The following GRID2 variants were observed in gnomAD, a reference collection of about 807,000 sequenced individuals.
The protein encoded by GRID2 is glutamate ionotropic receptor delta type subunit 2.
GRID2 carries 33 observed loss-of-function variants against 114.8 expected under a neutral mutation model. The ratio of observed to expected loss-of-function variants is 0.29; its 90% CI spans 0.22 to 0.38. GRID2 has a LOEUF of 0.38. Ranked by LOEUF, GRID2 falls within the 10% of genes least tolerant of loss-of-function variation. The pLI, the probability that GRID2 is intolerant of heterozygous loss-of-function variation, is 1.00. For missense variants in GRID2, 1,184 were observed against 1,257.7 expected (o/e 0.94, Z 0.89); for synonymous variants, 505 against 449.9 (o/e 1.12, Z -1.55).
At chr4:92,420,242 A>G (rs1731834034) in intron 1 of GRID2, among the ~76,000 whole-genome samples, 2 of 152,144 alleles carry the variant, frequency 1.3e-5, no homozygotes, top group Non-Finnish European at 2.9e-5. Context: ...ACTTAATTGG[A>G]TTGATCCATT....
At chr4:93,290,281 G>T (rs1753597763) in intron 8 of GRID2, among the ~76,000 whole-genome samples, 1 of 152,166 alleles carries the variant, frequency 6.6e-6, no homozygotes, top group Non-Finnish European at 1.5e-5. Context: ...ATGAGTGCGT[G>T]TTTATGAGTG....
chr4:92,855,288 A>G (rs1241013551), intron 2 of GRID2, among the ~76,000 whole-genome samples: 1 of 152,076 alleles, frequency 6.6e-6, no homozygotes, highest in East Asian at 1.9e-4. Flanking sequence ...CAATTCCCTG[A>G]AACCACAGTA....
chr4:93,708,300 G>A (rs1728182039), intron 14 of GRID2, among the ~76,000 whole-genome samples: 1 of 150,184 alleles, frequency 6.7e-6, no homozygotes, highest in Non-Finnish European at 1.5e-5. Flanking sequence ...GGCTGTTGAA[G>A]TCTCCAGCTA....
At chr4:93,071,248 T>C (rs1224479956) in intron 2 of GRID2, among the ~76,000 whole-genome samples, 2 of 152,078 alleles carry the variant, frequency 1.3e-5, no homozygotes, top group Admixed American at 6.6e-5. Flanking sequence ...ACAGGACATG[T>C]ATAGTATATC....
At chr4:93,685,757 A>C (rs918749820) in intron 14 of GRID2, among the ~76,000 whole-genome samples, 2 of 152,052 alleles carry the variant, frequency 1.3e-5, no homozygotes, top group African/African-American at 4.8e-5. Flanking sequence ...TATCCATGTG[A>C]TAAGGGAGCA....
At chr4:93,325,150 T>C (rs1200449983) in intron 8 of GRID2, among the ~76,000 whole-genome samples, 1 of 152,210 alleles carries the variant, frequency 6.6e-6, no homozygotes, top group Non-Finnish European at 1.5e-5. Flanking sequence ...TTTAGTTCTT[T>C]CCTGCTTTCT....
intron 2 of GRID2, among the ~76,000 whole-genome samples, chr4:92,917,840 T>C (rs1578465809): frequency 6.6e-6 from 1 of 152,326 alleles, no homozygotes; most frequent in East Asian, 1.9e-4. Context: ...CAGGCTCTTT[T>C]TTGGTTCCAT....
intron 2 of GRID2, among the ~76,000 whole-genome samples, chr4:92,660,731 C>T (rs1362355507): frequency 2.0e-5 from 3 of 151,166 alleles, no homozygotes; most frequent in African/African-American, 7.3e-5. Context: ...ATTTCCCTTG[C>T]ATATACCCAA....
At chr4:93,528,740 A>T (rs1236445727) in intron 13 of GRID2, among the ~76,000 whole-genome samples, 2 of 152,134 alleles carry the variant, frequency 1.3e-5, no homozygotes, top group East Asian at 3.9e-4. Flanking sequence ...CAGCAAAAGA[A>T]GCAAGTCAGA....
chr4:92,719,438 G>A (rs1735707448), intron 2 of GRID2, among the ~76,000 whole-genome samples: 1 of 152,094 alleles, frequency 6.6e-6, no homozygotes, highest in African/African-American at 2.4e-5. Context: ...TGCTACAATG[G>A]TTTAATTAAT....
intron 1 of GRID2, among the ~76,000 whole-genome samples, chr4:92,502,189 C>A (rs1235144373): frequency 6.6e-6 from 1 of 151,996 alleles, no homozygotes; most frequent in Non-Finnish European, 1.5e-5. Flanking sequence ...ACATATATTT[C>A]TATTGCAGTT....
At chr4:93,016,079 G>T (rs535905802) in intron 2 of GRID2, among the ~76,000 whole-genome samples, 87 of 151,556 alleles carry the variant, frequency 5.7e-4, no homozygotes, top group African/African-American at 2.1e-3. Flanking sequence ...GTGTGTGTGT[G>T]TGTGTTTAAA....
rs1401129098 is a variant in GRID2, at chr4:92,658,985, G to A, written c.244+68699G>A. The stretch of plus-strand genomic sequence containing the variant: ...CCAGAAAGGACTCTTTGACCAAAGA[G>A]AAAATTAAAGGAGTACTGTAGTGTT... On this transcript the variant is annotated intron_variant, in intron 2 of 15. Transcript: ENST00000282020. Among the ~76,000 whole-genome samples, 2 of 148,230 alleles carry A rather than the reference G, an allele frequency of 1.3e-5. 1 individual carries two copies. Among genetic ancestry groups the A allele is most frequent in the East Asian group, 4.2e-4 (2 of 4,788 alleles).
intron 2 of GRID2, among the ~76,000 whole-genome samples, chr4:92,991,417 T>C (rs1267932116): frequency 2.0e-5 from 3 of 152,166 alleles, no homozygotes; most frequent in African/African-American, 7.2e-5. Context: ...TGAATTGGAA[T>C]AAATGTGGTG....
chr4:92,895,449 T>C (rs1407043418), intron 2 of GRID2, among the ~76,000 whole-genome samples: 1 of 144,038 alleles, frequency 6.9e-6, no homozygotes, highest in Non-Finnish European at 1.5e-5. Context: ...GAAAACAAGT[T>C]ATATAAGCTT....
At chr4:92,817,045 C>T (rs898820416) in intron 2 of GRID2, among the ~76,000 whole-genome samples, 1 of 151,902 alleles carries the variant, frequency 6.6e-6, no homozygotes, top group African/African-American at 2.4e-5. Flanking sequence ...CCTTCAATGA[C>T]CTTCACCTAG....
intron 11 of GRID2, among the ~76,000 whole-genome samples, chr4:93,481,429 A>G (rs937885067): frequency 1.3e-5 from 2 of 152,108 alleles, no homozygotes; most frequent in African/African-American, 4.8e-5. Flanking sequence ...CCTCAGCAGT[A>G]TCTACCCTAA....
intron 13 of GRID2, among the ~76,000 whole-genome samples, chr4:93,616,854 G>C (rs1025951203): frequency 3.3e-5 from 5 of 150,604 alleles, no homozygotes; most frequent in African/African-American, 1.2e-4. Flanking sequence ...AATTAGCCAG[G>C]CGTGGTGGTG....
rs58010777 is a variant in GRID2, at chr4:93,602,517, A to G, written c.2194-23752A>G. Among the ~76,000 whole-genome samples the G allele has an allele frequency of 5.7e-3, 869 of 152,268 alleles. 12 individuals are homozygous for G. The highest frequency in any genetic ancestry group is 0.019 in the African/African-American group (791 of 41,556). On this transcript the variant is annotated intron_variant, in intron 13 of 15. Coordinates refer to ENST00000282020, the MANE Select transcript of GRID2 (RefSeq NM_001510.4). ...CAAAGTTTCTAACTTTTTCATTGTT[A>G]TTATATCTGCTGAAGTGATCTGTTA...
Sources: gnomAD v4.1 joint callset for allele counts (sites outside exome capture counted in the v4.1 genomes callset) on GRCh38, gnomAD v4.1.1 for gene constraint, MANE v1.5 for transcripts, NCBI Gene and HGNC (gene_info 2026-07-23, HGNC 2026-07-21) for gene names.